Variants in SYCP2L observed in about 807,000 individuals in gnomAD.
The protein encoded by SYCP2L is synaptonemal complex protein 2-like.
A neutral mutation model predicts 125.8 loss-of-function variants in SYCP2L; 98 were observed. That is an observed-to-expected ratio of 0.78 (90% CI 0.66 to 0.92). The LOEUF is 0.92. Ranked by LOEUF, SYCP2L falls within the 40% of genes least tolerant of loss-of-function variation. SYCP2L has a pLI of 0.00. For missense variants in SYCP2L, 842 were observed against 936.4 expected, an observed-to-expected ratio of 0.90 and a Z score of 1.32; for synonymous variants, 317 against 325.4, an observed-to-expected ratio of 0.97 and a Z score of 0.28.
chr6:10,905,920 C>T (rs1780481286), intron 8 of SYCP2L, 100 bp from the exon 9 acceptor site: 3 of 743,160 alleles, frequency 4.0e-6, no homozygotes, highest in Middle Eastern at 2.9e-4. Context: ...GAAATAGTTT[C>T]AGAAACATAT....
intron 21 of SYCP2L, among the ~76,000 whole-genome samples, chr6:10,940,749 G>T (rs529469342): frequency 6.6e-6 from 1 of 152,256 alleles, no homozygotes; most frequent in Admixed American, 6.5e-5. Context: ...TTCTGGGGAT[G>T]TAATATACAG....
chr6:10,892,578 C>T (rs554151613), intron 2 of SYCP2L, among the ~76,000 whole-genome samples: 114 of 152,322 alleles, frequency 7.5e-4, no homozygotes, highest in Non-Finnish European at 1.4e-3. Context: ...GGATTACAGG[C>T]GTGAGCCCTG....
chr6:10,922,032 T>G (rs528464350), intron 14 of SYCP2L, among the ~76,000 whole-genome samples: 1 of 152,148 alleles, frequency 6.6e-6, no homozygotes, highest in South Asian at 2.1e-4. Context: ...TTTTGTTTGT[T>G]TGTTTGTTTG....
At chr6:10,907,799 C>A in intron 10 of SYCP2L, 115 bp downstream of exon 10, 2 of 969,046 alleles carry the variant, frequency 2.1e-6, no homozygotes, top group Non-Finnish European at 1.5e-6. Context: ...TGTGATTACA[C>A]TGCCATTCTT....
At chr6:10,923,015 ACTGAGT>A (rs1234960304) in intron 14 of SYCP2L, among the ~76,000 whole-genome samples, 1 of 152,174 alleles carries the variant, frequency 6.6e-6, no homozygotes, top group African/African-American at 2.4e-5. Flanking sequence ...TCTTTTGTGT[ACTGAGT>A]CTTCATAATC....
intron 25 of SYCP2L, among the ~76,000 whole-genome samples, chr6:10,957,222 T>A (rs572832224): frequency 6.6e-6 from 1 of 152,218 alleles, no homozygotes; most frequent in African/African-American, 2.4e-5. Flanking sequence ...CAAGTTCATA[T>A]TACTTATCAA....
intron 14 of SYCP2L, among the ~76,000 whole-genome samples, chr6:10,923,844 C>T (rs1026841956): frequency 1.1e-4 from 16 of 151,658 alleles, no homozygotes; most frequent in South Asian, 6.3e-4. Flanking sequence ...CCACCACGCC[C>T]GGCTAATTTT....
At chr6:10,953,983 A>G (rs1781455689) in intron 23 of SYCP2L, among the ~76,000 whole-genome samples, 2 of 152,174 alleles carry the variant, frequency 1.3e-5, no homozygotes, top group African/African-American at 4.8e-5. Context: ...GGGATGTCCA[A>G]GGAACTACAA....
At chr6:10,937,955 G>A (rs1010545371) in intron 21 of SYCP2L, among the ~76,000 whole-genome samples, 5 of 152,008 alleles carry the variant, frequency 3.3e-5, no homozygotes, top group East Asian at 1.9e-4. Flanking sequence ...AGGGCCAGAC[G>A]GTTTCACTGG....
At chr6:10,887,861 A>G (rs558426876) in intron 1 of SYCP2L, among the ~76,000 whole-genome samples, 1 of 152,334 alleles carries the variant, frequency 6.6e-6, no homozygotes, top group African/African-American at 2.4e-5. Context: ...ATGGGGAAAC[A>G]GATTTGGGAC....
At chr6:10,971,754 A>G (rs1053716020) in intron 29 of SYCP2L, among the ~76,000 whole-genome samples, 14 of 151,882 alleles carry the variant, frequency 9.2e-5, no homozygotes, top group African/African-American at 3.4e-4. Flanking sequence ...GCACGATCTT[A>G]GCTCATTGCA....
At position 10,942,532 on chromosome 6, in the gene SYCP2L, A is replaced by G; in HGVS notation, c.1884+3A>G. ...CAGAAGATGAAGAAAAACCTAAGGT[A>G]CTATTTAATTGTTGGTTATTCATCT... On this transcript the variant is annotated splice_donor_region_variant and intron_variant, in intron 22 of 29. Transcript: ENST00000283141. The G allele has an allele frequency of 6.2e-7, 1 of 1,602,352 alleles. No homozygotes were observed. The highest frequency in any genetic ancestry group is 1.3e-5 in the African/African-American group (1 of 74,490).
intron 14 of SYCP2L, among the ~76,000 whole-genome samples, chr6:10,920,288 G>A (rs1463837450): frequency 1.3e-5 from 2 of 152,190 alleles, no homozygotes; most frequent in Non-Finnish European, 2.9e-5. Flanking sequence ...CGTGATCTTG[G>A]CTCACTGCAA....
chr6:10,910,503 A>T (rs1430334849), intron 11 of SYCP2L, among the ~76,000 whole-genome samples: 1 of 152,162 alleles, frequency 6.6e-6, no homozygotes, highest in African/African-American at 2.4e-5. Context: ...TCCTGACTTG[A>T]GGTTGCTGGA....
At chr6:10,969,687 T>C (rs927402873) in intron 29 of SYCP2L, among the ~76,000 whole-genome samples, 9 of 151,976 alleles carry the variant, frequency 5.9e-5, no homozygotes, top group African/African-American at 2.2e-4. Context: ...AAGATGAAAT[T>C]GGACATGTGC....
chr6:10,935,269 T>G, intron 21 of SYCP2L, 82 bp downstream of exon 21: 2 of 1,339,944 alleles, frequency 1.5e-6, no homozygotes, highest in Non-Finnish European at 2.1e-6. Flanking sequence ...CATTTTTATT[T>G]TAATATCTAT....
At chr6:10,910,074 C>T in intron 10 of SYCP2L, 74 bp from the exon 11 acceptor site, 2 of 1,240,024 alleles carry the variant, frequency 1.6e-6, no homozygotes, top group South Asian at 1.3e-5. Flanking sequence ...ACACTGGCCT[C>T]TGTATGCTAA....
At chr6:10,927,197 G>C in intron 16 of SYCP2L, 43 bp from the exon 17 acceptor site, 4 of 1,609,460 alleles carry the variant, frequency 2.5e-6, no homozygotes, top group Non-Finnish European at 2.5e-6. Flanking sequence ...GTATGTCAGC[G>C]TGTGCACGGT....
intron 21 of SYCP2L, 67 bp downstream of exon 21, chr6:10,935,254 CAA>C: frequency 6.7e-7 from 1 of 1,503,664 alleles, no homozygotes; most frequent in Admixed American, 2.0e-5. Context: ...TTGAAGTAAA[CAA>C]AACATTTTTA....
Sources: allele counts gnomAD v4.1 joint callset (sites outside exome capture counted in the v4.1 genomes callset), GRCh38; gene constraint gnomAD v4.1.1; transcripts MANE v1.5; gene names NCBI Gene and HGNC (gene_info 2026-07-23, HGNC 2026-07-21).